The following WBP2NL variants were observed in gnomAD, a reference collection of about 807,000 sequenced individuals.
WBP2NL encodes the protein postacrosomal sheath WW domain-binding protein.
In WBP2NL, 27 loss-of-function variants were observed where a neutral mutation model predicts 23.3. That is an observed-to-expected ratio of 1.16 (90% CI 0.85 to 1.60). WBP2NL has a LOEUF of 1.60. Among genes scored for constraint, WBP2NL ranks in the 40% most tolerant of loss-of-function variants. The pLI is 0.00. For synonymous variants in WBP2NL, 151 were observed against 145.9 expected (o/e 1.03, Z -0.25); for missense variants, 370 against 389.5 (o/e 0.95, Z 0.42).
chr22:42,018,167 T>G, intron 1 of WBP2NL, among the ~76,000 whole-genome samples: 1 of 140,042 alleles, frequency 7.1e-6, no homozygotes, highest in Non-Finnish European at 1.5e-5. Flanking sequence ...AAAAAAAAAA[T>G]TAGCCAGGCG....
At chr22:42,019,641 A>C in intron 2 of WBP2NL, 21 bp from the exon 3 acceptor site, 2 of 1,613,368 alleles carry the variant, frequency 1.2e-6, no homozygotes, top group Non-Finnish European at 1.7e-6. Context: ...TTCCTTTTCC[A>C]AAGTTTCTGT....
chr22:42,041,541 T>C (rs1738256709), intron 8 of WBP2NL, among the ~76,000 whole-genome samples: 1 of 150,464 alleles, frequency 6.6e-6, no homozygotes, highest in Non-Finnish European at 1.5e-5. Context: ...CCACTTTTGC[T>C]CTCTTTTGGT....
At chr22:42,025,388 A>G (rs781734641) in intron 5 of WBP2NL, among the ~76,000 whole-genome samples, 1 of 152,250 alleles carries the variant, frequency 6.6e-6, no homozygotes, top group Non-Finnish European at 1.5e-5. Flanking sequence ...AGTATATTTT[A>G]TATGTGGCCC....
chr22:42,003,366 C>T lies in WBP2NL; in HGVS notation c.62+4486C>T, dbSNP rs553896356. On this transcript the variant is annotated intron_variant, in intron 1 of 5. Coordinates refer to ENST00000328823, the MANE Select transcript of WBP2NL (RefSeq NM_152613.3). ...AGGCTTATATCCTAGCTCTGTCTTA[C>T]ACTAAATGTGGGTACAGTGTTTCCA... The T allele has an allele frequency of 8.5e-5, 13 of 152,698 alleles. No individual in the cohort carries two copies. In the South Asian group the frequency reaches 1.9e-3, roughly 22 times the overall value. The allele number at this position is 152,698 out of a possible 1,614,324, so 9.5% of individuals were successfully genotyped here.
At chr22:42,047,961 A>G (rs1925663646) in intron 8 of WBP2NL, among the ~76,000 whole-genome samples, 1 of 152,100 alleles carries the variant, frequency 6.6e-6, no homozygotes, top group Non-Finnish European at 1.5e-5. Flanking sequence ...AAATCTGCAG[A>G]CCAGTATCTC....
rs752863839 is a variant in WBP2NL at position 42,022,356 on chromosome 22, G to C, written c.514G>C (p.Val172Leu). The C allele has an allele frequency of 1.2e-6, 2 of 1,609,090 alleles. No homozygotes were observed. The highest frequency in any genetic ancestry group is 1.7e-6 in the Non-Finnish European group (2 of 1,177,528). Residue 172 changes from valine (V) to leucine (L), a missense_variant and splice_region_variant, in exon 5 of 6, where the codon GTT (valine) becomes CTT (leucine). Physicochemically the swap from Val to Leu is conservative, Grantham distance 32. Transcript: ENST00000328823. ...NMCTPQMPCS[V>L]IVYGAPPAGY... ...GTGCACTCCACAGATGCCTTGTTCA[G>C]GTAAGGTATGGCAGAGAGGTTCTTC...
chr22:42,049,662 C>T (rs1429345765), intron 8 of WBP2NL, among the ~76,000 whole-genome samples: 1 of 135,162 alleles, frequency 7.4e-6, no homozygotes, highest in Non-Finnish European at 1.5e-5. Flanking sequence ...TGCACTCCAG[C>T]CTGGGTGACA....
intron 8 of WBP2NL, among the ~76,000 whole-genome samples, chr22:42,044,815 T>A (rs1033755139): frequency 3.9e-5 from 6 of 152,010 alleles, no homozygotes; most frequent in African/African-American, 1.4e-4. Context: ...AATAAATTTT[T>A]AAAAATTTAT....
intron 1 of WBP2NL, among the ~76,000 whole-genome samples, chr22:42,018,477 A>G (rs1923552933): frequency 6.6e-6 from 1 of 151,938 alleles, no homozygotes; most frequent in Non-Finnish European, 1.5e-5. Flanking sequence ...GAGAAAGAAG[A>G]AATAAGAAAA....
chr22:42,020,870 A>G (rs969980293), intron 4 of WBP2NL, among the ~76,000 whole-genome samples: 73 of 14,082 alleles, frequency 5.2e-3, no homozygotes, highest in Admixed American at 8.1e-3. Context: ...GTGTGTGTGT[A>G]TATATATATA....
chr22:42,000,038 A>G (rs1294374549), intron 1 of WBP2NL, among the ~76,000 whole-genome samples: 1 of 152,134 alleles, frequency 6.6e-6, no homozygotes, highest in Non-Finnish European at 1.5e-5. Flanking sequence ...CCCGCTGTGC[A>G]GTTCTAAATT....
At chr22:42,009,992 A>G (rs924798213) in intron 1 of WBP2NL, among the ~76,000 whole-genome samples, 1 of 152,158 alleles carries the variant, frequency 6.6e-6, no homozygotes, top group Non-Finnish European at 1.5e-5. Context: ...CTAATGTTTT[A>G]TAGTTTTCAG....
intron 1 of WBP2NL, among the ~76,000 whole-genome samples, chr22:42,007,681 A>C (rs1985499254): frequency 6.6e-6 from 1 of 152,158 alleles, no homozygotes; most frequent in Non-Finnish European, 1.5e-5. Flanking sequence ...GGTTTATTTA[A>C]CTTAGCGTAA....
chr22:42,014,869 T>C (rs1006340355), intron 1 of WBP2NL, among the ~76,000 whole-genome samples: 6 of 152,256 alleles, frequency 3.9e-5, no homozygotes, highest in Non-Finnish European at 8.8e-5. Flanking sequence ...GTTTGTATTC[T>C]TTCTTTTAGT....
chr22:42,033,013 G>GC, downstream of WBP2NL: 1 of 173,298 alleles, frequency 5.8e-6, no homozygotes, highest in South Asian at 1.2e-4. Context: ...TATTGCTTGG[G>GC]CCCACTGGGC....
At chr22:42,049,705 CAAA>C (rs1158837575) in intron 8 of WBP2NL, among the ~76,000 whole-genome samples, 5 of 37,484 alleles carry the variant, frequency 1.3e-4, no homozygotes, top group Non-Finnish European at 2.5e-4. Context: ...CAAAACAAAA[CAAA>C]AAAAAAAAAA....
At chr22:42,001,987 G>T (rs1183048455) in intron 1 of WBP2NL, 4 of 1,018,288 alleles carry the variant, frequency 3.9e-6, no homozygotes, top group Non-Finnish European at 5.5e-6. Context: ...GAGGCAGGCT[G>T]CTGTGGGATG....
chr22:42,007,236 G>A (rs1263699675), intron 1 of WBP2NL, among the ~76,000 whole-genome samples: 2 of 151,948 alleles, frequency 1.3e-5, no homozygotes, highest in Admixed American at 6.6e-5. Flanking sequence ...TTGTTTGTTT[G>A]TGGTTTTTTT....
At chr22:42,006,369 C>T (rs974126912) in intron 1 of WBP2NL, among the ~76,000 whole-genome samples, 20 of 152,224 alleles carry the variant, frequency 1.3e-4, no homozygotes, top group South Asian at 2.1e-4. Context: ...TGCAGGCACC[C>T]GCCACCACAC....
Sources: allele counts gnomAD v4.1 joint callset (sites outside exome capture counted in the v4.1 genomes callset), GRCh38; gene constraint gnomAD v4.1.1; transcripts MANE v1.5; gene names NCBI Gene and HGNC (gene_info 2026-07-23, HGNC 2026-07-21).